TDRD3: variants seen among roughly 807,000 people sequenced by gnomAD.
TDRD3 encodes tudor domain containing 3.
A neutral mutation model predicts 86.7 loss-of-function variants in TDRD3; 45 were observed. The observed-to-expected ratio is 0.52, with a 90% confidence interval of 0.41 to 0.67. TDRD3 has a LOEUF of 0.67. Ranked by LOEUF, TDRD3 falls within the 30% of genes least tolerant of loss-of-function variation. TDRD3 has a pLI of 0.00. For missense variants in TDRD3, 814 were observed against 889.0 expected (o/e 0.92, Z 1.07); for synonymous variants, 298 against 301.7 (o/e 0.99, Z 0.13).
intron 1 of TDRD3, among the ~76,000 whole-genome samples, chr13:60,410,592 C>T (rs554501219): frequency 7.2e-5 from 11 of 152,236 alleles, no homozygotes; most frequent in African/African-American, 2.4e-4. Flanking sequence ...GAATTGGCCA[C>T]GATCTTTTCT....
intron 5 of TDRD3, among the ~76,000 whole-genome samples, chr13:60,480,477 A>G (rs969928165): frequency 6.6e-6 from 1 of 152,104 alleles, no homozygotes; most frequent in African/African-American, 2.4e-5. Flanking sequence ...GGGAATAGTC[A>G]TCTTGCATAG....
chr13:60,466,283 CAAAA>C (rs966605762), intron 4 of TDRD3, among the ~76,000 whole-genome samples: 1 of 151,784 alleles, frequency 6.6e-6, no homozygotes, highest in Non-Finnish European at 1.5e-5. Context: ...AACTTTGTAA[CAAAA>C]AAACAGTATT....
At chr13:60,442,952 C>T (rs1413772124) in intron 2 of TDRD3, among the ~76,000 whole-genome samples, 1 of 151,800 alleles carries the variant, frequency 6.6e-6, no homozygotes, top group Non-Finnish European at 1.5e-5. Context: ...TTGATGAAAA[C>T]CAGAAATGAG....
chr13:60,397,277 T>A lies in TDRD3; in HGVS notation c.-88T>A. 1 of 716,178 alleles carries A rather than the reference T, an allele frequency of 1.4e-6. No individual in the cohort carries two copies. Among genetic ancestry groups the A allele is most frequent in the Non-Finnish European group, 2.1e-6 (1 of 486,826 alleles). The allele number at this position is 716,178 out of a possible 1,614,324, so 44.4% of individuals were successfully genotyped here. A position where few individuals can be genotyped will look rare whatever the true frequency, so the allele number is the denominator to read the frequency against. On this transcript the variant is annotated 5_prime_UTR_variant, in exon 1 of 14. Transcript: ENST00000377881. ...GGAGTTTTTTCTTTTCTTTTCTTTT[T>A]TTTTTTTTAAGGGGGGGGGTCTCAA...
At chr13:60,573,252 G>A (rs1958629147) in intron 13 of TDRD3, among the ~76,000 whole-genome samples, 1 of 152,168 alleles carries the variant, frequency 6.6e-6, no homozygotes, top group Non-Finnish European at 1.5e-5. Context: ...AGGCGGTTAG[G>A]ATAGGGAAAG....
chr13:60,514,333 A>G (rs567053075), intron 10 of TDRD3, among the ~76,000 whole-genome samples: 21 of 152,210 alleles, frequency 1.4e-4, no homozygotes, highest in Non-Finnish European at 2.6e-4. Flanking sequence ...TTTAAAGGGA[A>G]AACACATGAT....
intron 5 of TDRD3, 122 bp from the exon 6 acceptor site, chr13:60,483,652 GC>G (rs1956364449): frequency 1.0e-5 from 8 of 767,738 alleles, no homozygotes; most frequent in Non-Finnish European, 1.4e-5. Flanking sequence ...TTCATGGAAG[GC>G]CTTTTTTTTT....
In TDRD3 at chr13:60,444,831, A is replaced by G. The variant is rs556258713; in HGVS notation, c.192+83A>G. On this transcript the variant is annotated intron_variant, in intron 3 of 13. Transcript: ENST00000377881. The stretch of plus-strand genomic sequence containing the variant: ...AAATTACTGGAATTACTTTTTGTCA[A>G]TAAAGACTGCAATTGCAAAATACTC... The G allele has an allele frequency of 6.2e-6, 5 of 800,472 alleles. No homozygotes were observed. In the African/African-American group the frequency reaches 9.1e-5, roughly 15 times the overall value. 49.6% of individuals were successfully genotyped at this position (800,472 alleles called of 1,614,324 possible). A position where few individuals can be genotyped will look rare whatever the true frequency, so the allele number is the denominator to read the frequency against.
chr13:60,494,695 G>C, intron 8 of TDRD3, 120 bp downstream of exon 8: 2 of 824,928 alleles, frequency 2.4e-6, no homozygotes, highest in Non-Finnish European at 1.7e-6. Flanking sequence ...TATAACTCTT[G>C]AAGGCTTTCA....
chr13:60,404,792 A>G (rs1373805379), intron 1 of TDRD3, among the ~76,000 whole-genome samples: 4 of 152,152 alleles, frequency 2.6e-5, no homozygotes, highest in Admixed American at 2.6e-4. Context: ...CTTAGTTGAT[A>G]TGGTTTGGTT....
intron 8 of TDRD3, among the ~76,000 whole-genome samples, chr13:60,495,912 G>A (rs1282718039): frequency 2.0e-5 from 3 of 152,036 alleles, no homozygotes; most frequent in Admixed American, 6.5e-5. Flanking sequence ...TCTTGTGGCC[G>A]TGATGGCTAA....
At chr13:60,551,905 G>C (rs1340129076) in intron 12 of TDRD3, among the ~76,000 whole-genome samples, 1 of 152,134 alleles carries the variant, frequency 6.6e-6, no homozygotes, top group African/African-American at 2.4e-5. Flanking sequence ...TTGCTATCAT[G>C]AGAACAGCAT....
intron 5 of TDRD3, among the ~76,000 whole-genome samples, chr13:60,475,832 G>A (rs952317090): frequency 1.3e-5 from 2 of 152,050 alleles, no homozygotes; most frequent in Non-Finnish European, 2.9e-5. Context: ...TTGGCCATTT[G>A]TATGTCTTCT....
At chr13:60,510,780 T>C (rs180710804) in intron 10 of TDRD3, 25 bp downstream of exon 10, 2 of 1,481,030 alleles carry the variant, frequency 1.4e-6, no homozygotes, top group Non-Finnish European at 1.8e-6. Context: ...AGTTGATTCC[T>C]TTTTTTTTCT....
At chr13:60,510,864 T>A in intron 10 of TDRD3, 109 bp downstream of exon 10, 1 of 1,060,062 alleles carries the variant, frequency 9.4e-7, no homozygotes, top group South Asian at 2.2e-5. Context: ...AATTGTAGTG[T>A]AAAACAACTA....
At chr13:60,483,712 A>AGCATT (rs1956366906) in intron 5 of TDRD3, 63 bp from the exon 6 acceptor site, 2 of 1,480,390 alleles carry the variant, frequency 1.4e-6, no homozygotes, top group African/African-American at 1.4e-5. Context: ...CTGTTACATT[A>AGCATT]TAAATGCTGG....
At chr13:60,455,152 AT>A (rs1010566030) in intron 3 of TDRD3, among the ~76,000 whole-genome samples, 24 of 152,178 alleles carry the variant, frequency 1.6e-4, no homozygotes, top group African/African-American at 5.8e-4. Flanking sequence ...ACCTCAGGTG[AT>A]CCGCCCACCT....
intron 13 of TDRD3, among the ~76,000 whole-genome samples, chr13:60,569,443 A>G (rs1471435647): frequency 2.6e-5 from 4 of 152,246 alleles, no homozygotes; most frequent in African/African-American, 9.6e-5. Flanking sequence ...AACACTGAAA[A>G]GATACTCCAT....
intron 11 of TDRD3, among the ~76,000 whole-genome samples, chr13:60,530,154 C>A (rs1957546311): frequency 6.6e-6 from 1 of 152,064 alleles, no homozygotes; most frequent in Non-Finnish European, 1.5e-5. Flanking sequence ...TGTTTTGGTT[C>A]TTGAATTGGT....
Sources: gnomAD v4.1 joint callset for allele counts (sites outside exome capture counted in the v4.1 genomes callset) on GRCh38, gnomAD v4.1.1 for gene constraint, MANE v1.5 for transcripts, NCBI Gene and HGNC (gene_info 2026-07-23, HGNC 2026-07-21) for gene names.